EGF: variants seen among roughly 807,000 people sequenced by gnomAD.
EGF encodes pro-epidermal growth factor.
In EGF, 95 loss-of-function variants were observed where a neutral mutation model predicts 143.8. The observed-to-expected ratio is 0.66, with a 90% CI of 0.56 to 0.78. The LOEUF (loss-of-function observed/expected upper bound fraction) is 0.78. Ranked by LOEUF, EGF falls within the 30% of genes least tolerant of loss-of-function variation. The pLI is 0.00. For synonymous variants in EGF, 510 were observed against 510.5 expected (o/e 1.00, Z 0.01); for missense variants, 1,320 against 1,470.9 (o/e 0.90, Z 1.68).
At chr4:110,008,251 C>T (rs11569122) in intron 23 of EGF, 21 bp downstream of exon 23, 68 of 1,613,620 alleles carry the variant, frequency 4.2e-5, no homozygotes, top group Middle Eastern at 3.3e-4. Flanking sequence ...ATCCCTGGCT[C>T]CTGGTGAATG....
At chr4:109,949,334 T>A (rs1743412492) in intron 5 of EGF, among the ~76,000 whole-genome samples, 1 of 152,216 alleles carries the variant, frequency 6.6e-6, no homozygotes, top group Non-Finnish European at 1.5e-5. Context: ...CCCAAAGTGC[T>A]GGGATTACAG....
At chr4:109,959,550 A>C (rs1205165082) in intron 6 of EGF, 113 bp downstream of exon 6, 1 of 1,549,730 alleles carries the variant, frequency 6.5e-7, no homozygotes, top group South Asian at 1.1e-5. Flanking sequence ...TCAGTGGAAA[A>C]CCAACTTCAA....
At chr4:109,975,798 A>T (rs1244811014) in intron 12 of EGF, among the ~76,000 whole-genome samples, 1 of 152,196 alleles carries the variant, frequency 6.6e-6, no homozygotes, top group Non-Finnish European at 1.5e-5. Context: ...CTTTAATTCA[A>T]CATTTCTTTT....
At position 109,974,768 on chromosome 4, in the gene EGF, T is replaced by TCTCTCAAC; in HGVS notation, c.1792_1799dup (p.Arg601LeufsTer39). 1 of 1,613,610 alleles carries TCTCTCAAC rather than the reference T, an allele frequency of 6.2e-7. No individual in the cohort carries two copies. The highest frequency in any genetic ancestry group is 8.5e-7 in the Non-Finnish European group (1 of 1,179,648). Reference sequence around the variant, plus strand: ...TCCAAAATAATCACTAAGGAGAACATCTCTCAACCACGAGGAATTGCTGTT... The same window carrying TCTCTCAAC: ...TCCAAAATAATCACTAAGGAGAACATCTCTCAACCTCTCAACCACGAGGAATTGCTGTT... On this transcript the variant is annotated frameshift_variant, in exon 12 of 24. Coordinates refer to ENST00000265171, the MANE Select transcript of EGF (RefSeq NM_001963.6). LOFTEE classifies it high-confidence loss of function.
intron 5 of EGF, among the ~76,000 whole-genome samples, chr4:109,957,915 G>C (rs571562760): frequency 5.9e-5 from 9 of 152,178 alleles, no homozygotes; most frequent in Non-Finnish European, 1.2e-4. Flanking sequence ...TTACGCTCAA[G>C]CTTGCTACTG....
At position 109,913,363 on chromosome 4, in the gene EGF, C is replaced by T; in HGVS notation, c.28C>T (p.Pro10Ser). 1 of 1,613,926 alleles carries T rather than the reference C, an allele frequency of 6.2e-7. No homozygotes were observed. Among genetic ancestry groups the T allele is most frequent in the East Asian group, 2.2e-5 (1 of 44,880 alleles). Residue 10 changes from proline to serine, a missense_variant, in exon 1 of 24, where the codon CCA becomes TCA. Pro to Ser is a moderately conservative substitution (Grantham distance 74). Coordinates refer to ENST00000265171, the MANE Select transcript of EGF (RefSeq NM_001963.6). MLLTLIILL[P>S]VVSKFSFVSL... ...GCTGCTCACTCTTATCATTCTGTTG[C>T]CAGTAGTTTCAAAATTTAGTTTTGT...
At chr4:109,921,108 C>T (rs1271812141) in intron 1 of EGF, among the ~76,000 whole-genome samples, 3 of 151,592 alleles carry the variant, frequency 2.0e-5, no homozygotes, top group African/African-American at 7.3e-5. Flanking sequence ...ATGTTTTACT[C>T]TCTTGTTTTA....
rs575051240 is a variant in EGF, at chr4:109,988,886, A to C, written c.2734+177A>C. ...TATTTCCATTCTTGGTGAACAGTCA[A>C]GTTTGTGCCCTTGTGTTATTACTGC... On this transcript the variant is annotated intron_variant, in intron 18 of 23. Coordinates refer to ENST00000265171, the MANE Select transcript of EGF (RefSeq NM_001963.6). 5.3e-5 allele frequency among the ~76,000 whole-genome samples: 8 copies of C among 152,326 alleles called. No homozygotes were observed. The East Asian group carries it at 9.6e-4, about 18-fold the overall frequency.
At chr4:109,948,495 T>TG (rs138033683) in intron 5 of EGF, among the ~76,000 whole-genome samples, 2,115 of 152,094 alleles carry the variant, frequency 0.014, 35 homozygotes, top group African/African-American at 0.034. Context: ...GATTTTTTTT[T>TG]GGGGGGGTGG....
chr4:109,999,532 A>C, intron 20 of EGF, 147 bp from the exon 21 acceptor site: 1 of 1,002,242 alleles, frequency 1.0e-6, no homozygotes, highest in Non-Finnish European at 1.5e-6. Context: ...TAGCGCTTTC[A>C]ACTGACCCCT....
rs774189307 is a variant in EGF at position 109,969,094 on chromosome 4, C to T, written c.1699C>T (p.Arg567Cys). 6.2e-6 allele frequency: 10 copies of T among 1,613,892 alleles called. No individual in the cohort carries two copies. The highest frequency in any genetic ancestry group is 1.7e-5 in the Admixed American group (1 of 59,988). ...AGGTCTTGCTGTGGACTGGATTGGC[C>T]GTAGATTCTATTGGACAGACAGAGG... ...PEGLAVDWIG[R>C]RFYWTDRGKS... Residue 567 changes from arginine to cysteine, a missense_variant, in exon 11 of 24, where the codon CGT (arginine) becomes TGT (cysteine). Transcript: ENST00000265171.
intron 21 of EGF, among the ~76,000 whole-genome samples, chr4:110,002,509 A>C (rs1465059491): frequency 1.3e-5 from 2 of 152,168 alleles, no homozygotes; most frequent in African/African-American, 4.8e-5. Flanking sequence ...AAAACAAAAC[A>C]AAAAAGACTA....
chr4:109,938,625 G>A (rs1741320345), intron 1 of EGF, among the ~76,000 whole-genome samples: 1 of 152,022 alleles, frequency 6.6e-6, no homozygotes, highest in Admixed American at 6.5e-5. Context: ...CAGCCTTTTT[G>A]CTCTGGTTTC....
At chr4:110,002,424 C>T (rs1752685289) in intron 21 of EGF, among the ~76,000 whole-genome samples, 1 of 152,092 alleles carries the variant, frequency 6.6e-6, no homozygotes, top group African/African-American at 2.4e-5. Context: ...GCCAGGGAGG[C>T]AGTGATTACA....
At position 109,940,992 on chromosome 4, in the gene EGF, G is replaced by A; in HGVS notation, c.174G>A (p.Arg58=). 6.2e-7 allele frequency: 1 copy of A among 1,614,024 alleles called. No individual in the cohort carries two copies. Among genetic ancestry groups the A allele is most frequent in the Non-Finnish European group, 8.5e-7 (1 of 1,179,968 alleles). The change falls in exon 2 of 24, where the codon AGG becomes AGA. Residue 58 remains arginine (R), a synonymous_variant. Transcript: ENST00000265171. ...TCTCCCATGGAAATAGTATCTTTAGGATTGACACAGAAGGAACCAATTATG... is the reference window on the plus strand; with the variant it reads ...TCTCCCATGGAAATAGTATCTTTAGAATTGACACAGAAGGAACCAATTATG... ...LIFSHGNSIF[R]IDTEGTNYEQ... is the part of the protein sequence containing the mutation.
intron 18 of EGF, among the ~76,000 whole-genome samples, chr4:109,993,012 G>T (rs1007163593): frequency 4.6e-5 from 7 of 151,132 alleles, no homozygotes; most frequent in Non-Finnish European, 7.4e-5. Flanking sequence ...CGAGTTAATG[G>T]GTGCAGCACA....
intron 1 of EGF, among the ~76,000 whole-genome samples, chr4:109,923,826 G>T (rs1377076038): frequency 6.6e-6 from 1 of 151,296 alleles, no homozygotes; most frequent in African/African-American, 2.5e-5. Flanking sequence ...TCGCCATGTT[G>T]CCCAGGCTGG....
At chr4:109,977,798 C>T (rs1271262945) in intron 13 of EGF, among the ~76,000 whole-genome samples, 1 of 152,162 alleles carries the variant, frequency 6.6e-6, no homozygotes, top group African/African-American at 2.4e-5. Flanking sequence ...CGTGATTGTG[C>T]AACTGTACTC....
chr4:109,963,563 G>A (rs900012640), intron 9 of EGF, among the ~76,000 whole-genome samples: 2 of 152,176 alleles, frequency 1.3e-5, no homozygotes, highest in East Asian at 1.9e-4. Flanking sequence ...AGAAAGTCAT[G>A]ACAAGAATAG....
Sources: gnomAD v4.1 joint callset for allele counts (sites outside exome capture counted in the v4.1 genomes callset) on GRCh38, gnomAD v4.1.1 for gene constraint, MANE v1.5 for transcripts, NCBI Gene and HGNC (gene_info 2026-07-23, HGNC 2026-07-21) for gene names.